The following FOXA3 variants were observed in gnomAD, a reference collection of about 807,000 sequenced individuals.
FOXA3 encodes the protein forkhead box A3, also known as hepatocyte nuclear factor 3-gamma.
In FOXA3, 11 loss-of-function variants were observed where a neutral mutation model predicts 16.9. The ratio of observed to expected loss-of-function variants is 0.65; its 90% CI spans 0.41 to 1.08. FOXA3 has a LOEUF of 1.08. FOXA3 is among the 50% of genes least tolerant of loss of function. FOXA3 has a pLI of 0.00. For synonymous variants in FOXA3, 217 were observed against 203.3 expected (o/e 1.07, Z -0.57); for missense variants, 423 against 470.1 (o/e 0.90, Z 0.93).
At chr19:45,865,497 GTTGGGGC>G (rs1972076236) in intron 1 of FOXA3, among the ~76,000 whole-genome samples, 1 of 152,190 alleles carries the variant, frequency 6.6e-6, no homozygotes, top group Non-Finnish European at 1.5e-5. Flanking sequence ...TTGTGAGGTT[GTTGGGGC>G]TGGGGGTTGG....
Position 45,872,327 on chromosome 19 carries a change from G to A in FOXA3, c.322G>A (p.Gly108Arg). 6 of 1,614,162 alleles carry A rather than the reference G, an allele frequency of 3.7e-6. No homozygotes were observed. Among genetic ancestry groups the A allele is most frequent in the Non-Finnish European group, 5.1e-6 (6 of 1,179,992 alleles). Residue 108 changes from glycine (G) to arginine (R), a missense_variant, in exon 2 of 2, where the codon GGG becomes AGG. Gly to Arg is a moderately radical substitution (Grantham distance 125). Around this residue, in one of 3 missense-constraint regions of FOXA3, gnomAD observed 170 missense variants for 153.9 expected, o/e 1.10. Transcript: ENST00000302177. This position sits in a 1 kb window ranked among gnomAD's most constrained non-coding sequence, Gnocchi z 4.5. ...GLVHGKEMPK[G>R]YRRPLAHAKP... ...GGTGCACGGGAAGGAGATGCCGAAG[G>A]GGTATCGGCGGCCCCTGGCACACGC...
rs868733101 is a variant in FOXA3 at position 45,872,793 on chromosome 19, A to G, written c.788A>G (p.Gln263Arg). The G allele has an allele frequency of 4.3e-6, 7 of 1,611,860 alleles. No homozygotes were observed. Among genetic ancestry groups the G allele is most frequent in the Non-Finnish European group, 4.2e-6 (5 of 1,179,868 alleles). ...CCTCCAGCCCCTGAGCCTGAGGCCC[A>G]GGGCGGGGAAGATGTGGGGGCTCTG... ...PPPPAPEPEA[Q>R]GGEDVGALDC... The change falls in exon 2 of 2, where the codon CAG becomes CGG. Residue 263 changes from glutamine (Q) to arginine (R), a missense_variant. Gln to Arg is a conservative substitution (Grantham distance 43). This residue lies in a region of FOXA3 where 168 missense variants were observed against 179.3 expected (regional missense o/e 0.94). Transcript: ENST00000302177. The surrounding 1 kb of genome is among the most constrained non-coding windows in gnomAD (Gnocchi z 4.5).
chr19:45,865,436 G>A (rs769093001), intron 1 of FOXA3, among the ~76,000 whole-genome samples: 18 of 152,012 alleles, frequency 1.2e-4, no homozygotes, highest in Non-Finnish European at 8.8e-5. Context: ...ACCCCCATTC[G>A]TCTTGCTGCA....
intron 1 of FOXA3, among the ~76,000 whole-genome samples, chr19:45,866,780 G>A (rs947195005): frequency 2.6e-5 from 4 of 152,206 alleles, no homozygotes; most frequent in African/African-American, 9.7e-5. Context: ...CTGCTCCCCT[G>A]TTTTAGAGGT....
At chr19:45,869,638 A>G (rs746223778) in intron 1 of FOXA3, among the ~76,000 whole-genome samples, 2 of 152,104 alleles carry the variant, frequency 1.3e-5, no homozygotes, top group African/African-American at 4.8e-5. Flanking sequence ...TGTTTTTCCC[A>G]TTTGTATTAA....
chr19:45,873,086 T>C lies in FOXA3; in HGVS notation c.*28T>C, dbSNP rs778844451. On this transcript the variant is annotated 3_prime_UTR_variant, in exon 2 of 2. Transcript: ENST00000302177. ...GGGGTTGGGAACATGGTGGTGGGTA[T>C]GGCTGGAGCTCACACCACGAAGCTC... is the stretch of plus-strand genomic sequence containing the variant. The C allele has an allele frequency of 5.1e-6, 8 of 1,564,554 alleles. No individual in the cohort carries two copies. The South Asian group carries it at 9.4e-5, about 18-fold the overall frequency.
chr19:45,866,643 C>A (rs1000572163), intron 1 of FOXA3, among the ~76,000 whole-genome samples: 3 of 152,090 alleles, frequency 2.0e-5, no homozygotes, highest in Non-Finnish European at 4.4e-5. Flanking sequence ...CACTTCTTGC[C>A]CATAGCACCC....
rs772799849 is a variant in FOXA3, at chr19:45,872,833, C to T, written c.828C>T (p.Pro276=). Residue 276 remains proline, a synonymous_variant, in exon 2 of 2, where the codon CCC becomes CCT. Coordinates refer to ENST00000302177, the MANE Select transcript of FOXA3 (RefSeq NM_004497.3). This position sits in a 1 kb window ranked among gnomAD's most constrained non-coding sequence, Gnocchi z 4.5. ...TGGGGGCTCTGGACTGTGGCTCACCCGCTTCCTCCACACCCTATTTCACTG... is the reference window on the plus strand; with the variant it reads ...TGGGGGCTCTGGACTGTGGCTCACCTGCTTCCTCCACACCCTATTTCACTG... The part of the protein sequence containing the change: ...EDVGALDCGS[P]ASSTPYFTGL... 39 of 1,613,116 alleles carry T rather than the reference C, an allele frequency of 2.4e-5. No homozygotes were observed. Among genetic ancestry groups the T allele is most frequent in the Middle Eastern group, 1.6e-4 (1 of 6,084 alleles).
chr19:45,865,676 G>A (rs1972078217), intron 1 of FOXA3, among the ~76,000 whole-genome samples: 1 of 152,082 alleles, frequency 6.6e-6, no homozygotes, highest in Non-Finnish European at 1.5e-5. Context: ...TTGGGTCTGG[G>A]GCTCGAAACT....
In FOXA3 at chr19:45,870,917, C is replaced by T. The variant is rs374396590; in HGVS notation, c.70-1158C>T. On this transcript the variant is annotated intron_variant, in intron 1 of 1. Coordinates refer to ENST00000302177, the MANE Select transcript of FOXA3 (RefSeq NM_004497.3). ...CAGCCTGGGCAACATGGTGAATCCCCGTCTCTACTAAAAATACAAAAAAAT... is the reference window on the plus strand; with the variant it reads ...CAGCCTGGGCAACATGGTGAATCCCTGTCTCTACTAAAAATACAAAAAAAT... Among the ~76,000 whole-genome samples, 10 of 151,844 alleles carry T rather than the reference C, an allele frequency of 6.6e-5. No homozygotes were observed. In the East Asian group the frequency reaches 1.8e-3, roughly 27 times the overall value.
In FOXA3 at chr19:45,872,823, G is replaced by A; in HGVS notation, c.818G>A (p.Cys273Tyr). The change falls in exon 2 of 2, where the codon TGT (cysteine) becomes TAT (tyrosine). Residue 273 changes from cysteine to tyrosine, a missense_variant. This residue lies in a region of FOXA3 where 168 missense variants were observed against 179.3 expected (regional missense o/e 0.94). Transcript: ENST00000302177. The surrounding 1 kb of genome is among the most constrained non-coding windows in gnomAD (Gnocchi z 4.5). Reference protein sequence around the residue: ...QGGEDVGALDCGSPASSTPYF... With the variant: ...QGGEDVGALDYGSPASSTPYF... The stretch of plus-strand genomic sequence containing the variant: ...GGGGAAGATGTGGGGGCTCTGGACT[G>A]TGGCTCACCCGCTTCCTCCACACCC... The A allele has an allele frequency of 1.2e-6, 2 of 1,612,818 alleles. No individual in the cohort carries two copies. Among genetic ancestry groups the A allele is most frequent in the Non-Finnish European group, 8.5e-7 (1 of 1,180,014 alleles).
intron 1 of FOXA3, among the ~76,000 whole-genome samples, chr19:45,868,183 G>T (rs567337701): frequency 5.9e-5 from 9 of 152,026 alleles, no homozygotes; most frequent in Non-Finnish European, 1.0e-4. Context: ...AGGATTTCTC[G>T]ACTGGAACTC....
chr19:45,866,658 G>A (rs1180860437), intron 1 of FOXA3, among the ~76,000 whole-genome samples: 4 of 152,234 alleles, frequency 2.6e-5, no homozygotes, highest in Non-Finnish European at 5.9e-5. Context: ...GCACCCTCCC[G>A]CTTGGGGTGA....
chr19:45,866,479 G>A (rs905559993), intron 1 of FOXA3, among the ~76,000 whole-genome samples: 7 of 152,096 alleles, frequency 4.6e-5, no homozygotes, highest in African/African-American at 1.4e-4. Context: ...GGGAGAGTCA[G>A]TATTTGGAGG....
Position 45,873,024 on chromosome 19 carries a change from G to A in FOXA3, c.1019G>A (p.Gly340Asp), listed in dbSNP as rs1484122947. The change falls in exon 2 of 2, where the codon GGC (glycine) becomes GAC (aspartate). Residue 340 changes from glycine (G) to aspartate (D), a missense_variant. By Grantham distance (94) the Gly-to-Asp change is moderately conservative. Coordinates refer to ENST00000302177, the MANE Select transcript of FOXA3 (RefSeq NM_004497.3). Reference protein sequence around the residue: ...EGGEPGVYYQGLYSRSLLNAS With the variant: ...EGGEPGVYYQDLYSRSLLNAS The stretch of plus-strand genomic sequence containing the variant: ...GGGGAGCCTGGAGTCTACTACCAGG[G>A]CCTCTATTCCCGCTCTTTGCTTAAT... The A allele has an allele frequency of 3.1e-6, 5 of 1,608,416 alleles. No individual in the cohort carries two copies. The highest frequency in any genetic ancestry group is 4.2e-6 in the Non-Finnish European group (5 of 1,177,230).
intron 1 of FOXA3, among the ~76,000 whole-genome samples, chr19:45,867,286 T>A (rs1022416983): frequency 6.6e-6 from 1 of 152,006 alleles, no homozygotes; most frequent in African/African-American, 2.4e-5. Context: ...TCATCCCTTT[T>A]CTTTTTCTGG....
In FOXA3 at chr19:45,873,169, G is replaced by C. The variant is rs989408240; in HGVS notation, c.*111G>C. 2 of 1,492,830 alleles carry C rather than the reference G, an allele frequency of 1.3e-6. No individual in the cohort carries two copies. Among genetic ancestry groups the C allele is most frequent in the African/African-American group, 2.8e-5 (2 of 71,772 alleles). The allele number at this position is 1,492,830 out of a possible 1,614,324, so 92.5% of individuals were successfully genotyped here. A position where few individuals can be genotyped will look rare whatever the true frequency, so the allele number is the denominator to read the frequency against. On this transcript the variant is annotated 3_prime_UTR_variant, in exon 2 of 2. Coordinates refer to ENST00000302177, the MANE Select transcript of FOXA3 (RefSeq NM_004497.3). Reference sequence around the variant, plus strand: ...TGTCCCATTGGTTAACATCTGGGTGGGTCTATTACTTACTGTGATGACTGC... The same window carrying C: ...TGTCCCATTGGTTAACATCTGGGTGCGTCTATTACTTACTGTGATGACTGC...
chr19:45,868,263 C>T (rs564690135), intron 1 of FOXA3, among the ~76,000 whole-genome samples: 8 of 152,158 alleles, frequency 5.3e-5, no homozygotes, highest in African/African-American at 9.6e-5. Context: ...CTCGTTTCTC[C>T]GGACCTTGTG....
In FOXA3 at chr19:45,868,791, A is replaced by T. The variant is rs753865884; in HGVS notation, c.70-3284A>T. Among the ~76,000 whole-genome samples, 100 of 152,250 alleles carry T rather than the reference A, an allele frequency of 6.6e-4. 1 individual carries two copies. Among genetic ancestry groups the T allele is most frequent in the Non-Finnish European group, 1.4e-3 (93 of 68,012 alleles). ...AGACAGTGGTTGAGAAGGGATAAGT[A>T]GATACAAAGAAAGAAACAACCTTCC... On this transcript the variant is annotated intron_variant, in intron 1 of 1. Transcript: ENST00000302177.
Sources: gnomAD v4.1 joint callset for allele counts (sites outside exome capture counted in the v4.1 genomes callset) on GRCh38, gnomAD v4.1.1 for gene constraint, gnomAD v4.1.1 regional missense constraint, Gnocchi (gnomAD v3.1) non-coding constraint, MANE v1.5 for transcripts, NCBI Gene and HGNC (gene_info 2026-07-23, HGNC 2026-07-21) for gene names.